AP1M2: variants seen among roughly 807,000 people sequenced by gnomAD.
The protein encoded by AP1M2 is adaptor related protein complex 1 subunit mu 2, also known as AP-1 complex subunit mu-2.
Under a neutral mutation model 54.6 loss-of-function variants are expected in AP1M2, and 41 were observed. The observed-to-expected ratio is 0.75, with a 90% CI of 0.59 to 0.97. The LOEUF (loss-of-function observed/expected upper bound fraction) is 0.97, where lower values mean the gene tolerates loss of function less well. Ranked by LOEUF, AP1M2 falls within the 50% of genes least tolerant of loss-of-function variation. The pLI, the probability that AP1M2 is intolerant of heterozygous loss-of-function variation, is 0.00. For synonymous variants in AP1M2, 219 were observed against 215.9 expected (o/e 1.01, Z -0.13); for missense variants, 507 against 561.2 (o/e 0.90, Z 0.98).
In AP1M2 at chr19:10,583,941, G is replaced by A. The variant is rs201194990; in HGVS notation, c.172C>T (p.Leu58=). The A allele has an allele frequency of 3.7e-6, 6 of 1,601,620 alleles. No individual in the cohort carries two copies. The East Asian group carries it at 1.4e-4, about 36-fold the overall frequency. ...TAGAGGTTGCTGTGTTTGATCCATA[G>A]GAAGTGGACCTGGCCGTGGCTCAGC... ...PLLSHGQVHF[L]WIKHSNLYLV... Residue 58 remains leucine, a synonymous_variant, in exon 2 of 12, where the codon CTA becomes TTA. Coordinates refer to ENST00000250244, the MANE Select transcript of AP1M2 (RefSeq NM_005498.5).
intron 1 of AP1M2, among the ~76,000 whole-genome samples, chr19:10,585,578 T>C (rs1025712635): frequency 2.6e-5 from 4 of 151,714 alleles, no homozygotes; most frequent in Non-Finnish European, 5.9e-5. Context: ...ATGACCGTAA[T>C]CCCAGCTACT....
intron 9 of AP1M2, 50 bp from the exon 10 acceptor site, chr19:10,575,079 G>T: frequency 7.1e-7 from 1 of 1,418,004 alleles, no homozygotes. Flanking sequence ...CTACCCTCCC[G>T]AGACCTTCCT....
chr19:10,583,806 G>T, intron 2 of AP1M2, 108 bp downstream of exon 2: 1 of 1,493,290 alleles, frequency 6.7e-7, no homozygotes, highest in Non-Finnish European at 9.1e-7. Context: ...AAGCCACAGA[G>T]ATGTGCGGTG....
intron 1 of AP1M2, among the ~76,000 whole-genome samples, chr19:10,586,325 T>C (rs1325024327): frequency 7.0e-6 from 1 of 142,226 alleles, no homozygotes; most frequent in Non-Finnish European, 1.5e-5. Context: ...CATGGTGGCA[T>C]GCACCTGTAG....
At position 10,581,541 on chromosome 19, in the gene AP1M2, G is replaced by A. The variant is rs762011394; in HGVS notation, c.492C>T (p.Ile164=). Residue 164 remains isoleucine, a synonymous_variant, in exon 5 of 12, where the codon ATC becomes ATT. Transcript: ENST00000250244. ...TGAAGACCTCGTTCTTCTTATACTT[G>A]ATACCCTCGGAGCGCCAGGACACAG... is the stretch of plus-strand genomic sequence containing the variant. ...TNAVSWRSEG[I]KYKKNEVFID... 2 of 1,613,828 alleles carry A rather than the reference G, an allele frequency of 1.2e-6. No homozygotes were observed. Among genetic ancestry groups the A allele is most frequent in the African/African-American group, 1.3e-5 (1 of 75,036 alleles).
In AP1M2 at chr19:10,572,925, G is replaced by A. The variant is rs1917104293; in HGVS notation, c.*141C>T. ...GGAATAAGGAAGAGGTGAGGAAGGG[G>A]CGGGTGCTGGGAGCAAGAAACTGCC... On this transcript the variant is annotated 3_prime_UTR_variant, in exon 12 of 12. Coordinates refer to ENST00000250244, the MANE Select transcript of AP1M2 (RefSeq NM_005498.5). 4.0e-6 allele frequency: 3 copies of A among 754,788 alleles called. No individual in the cohort carries two copies. In the East Asian group the frequency reaches 8.3e-5, roughly 21 times the overall value. 46.8% of individuals were successfully genotyped at this position (754,788 alleles called of 1,614,324 possible). A position where few individuals can be genotyped will look rare whatever the true frequency, so the allele number is the denominator to read the frequency against.
rs748341245 is a variant in AP1M2 at position 10,574,349 on chromosome 19, G to A, written c.1249+68C>T. The A allele has an allele frequency of 1.9e-5, 25 of 1,294,992 alleles. 2 individuals are homozygous for A. The South Asian group carries it at 2.9e-4, about 15-fold the overall frequency. 80.2% of individuals were successfully genotyped at this position (1,294,992 alleles called of 1,614,324 possible). A position where few individuals can be genotyped will look rare whatever the true frequency, so the allele number is the denominator to read the frequency against. ...TTGGTTTTCTGAGCCAGAATGTGGT[G>A]AAAGCCTCGAGTCCCTACCCACTGC... On this transcript the variant is annotated intron_variant, in intron 11 of 11. Coordinates refer to ENST00000250244, the MANE Select transcript of AP1M2 (RefSeq NM_005498.5).
At chr19:10,575,869 C>A (rs1330075807) in intron 9 of AP1M2, among the ~76,000 whole-genome samples, 2 of 146,620 alleles carry the variant, frequency 1.4e-5, no homozygotes, top group African/African-American at 5.1e-5. Context: ...CAGGTTCACG[C>A]CATTCTCCTG....
Position 10,587,181 on chromosome 19 carries a change from C to T in AP1M2, c.42+9G>A, listed in dbSNP as rs1174160329. On this transcript the variant is annotated intron_variant, in intron 1 of 11. Transcript: ENST00000250244. ...TGTCCGTCTCCCAACTCCTCATGCCCAGCCTCACCTTGCCCTTAACGTCCA... is the reference window on the plus strand; with the variant it reads ...TGTCCGTCTCCCAACTCCTCATGCCTAGCCTCACCTTGCCCTTAACGTCCA... 15 of 1,555,420 alleles carry T rather than the reference C, an allele frequency of 9.6e-6. No homozygotes were observed. Among genetic ancestry groups the T allele is most frequent in the Admixed American group, 1.9e-5 (1 of 51,496 alleles).
intron 6 of AP1M2, among the ~76,000 whole-genome samples, chr19:10,580,769 A>G (rs10409805): frequency 6.6e-6 from 1 of 151,624 alleles, no homozygotes; most frequent in African/African-American, 2.4e-5. Flanking sequence ...TTTAGACCAG[A>G]CTGGGCAACA....
At chr19:10,585,316 A>G (rs1392574297) in intron 1 of AP1M2, among the ~76,000 whole-genome samples, 1 of 142,748 alleles carries the variant, frequency 7.0e-6, no homozygotes, top group African/African-American at 2.5e-5. Context: ...AGAAAGAAAG[A>G]AAGAAAGAAA....
At chr19:10,579,925 T>G (rs1917379739) in intron 6 of AP1M2, 67 bp from the exon 7 acceptor site, 1 of 1,474,388 alleles carries the variant, frequency 6.8e-7, no homozygotes, top group South Asian at 1.3e-5. Flanking sequence ...TCCCCACCTT[T>G]CCTGCCGACC....
rs552911139 is a variant in AP1M2 at position 10,582,172 on chromosome 19, T to C, written c.268-294A>G. Among the ~76,000 whole-genome samples, 56 of 152,054 alleles carry C rather than the reference T, an allele frequency of 3.7e-4. 1 individual carries two copies. Among genetic ancestry groups the C allele is most frequent in the African/African-American group, 1.3e-3 (55 of 41,492 alleles). ...GATTCTCCTGCCTCAGCCTTCTGAG[T>C]AGCTGGGACTACAGGCACGCACTAC... On this transcript the variant is annotated intron_variant, in intron 3 of 11. Coordinates refer to ENST00000250244, the MANE Select transcript of AP1M2 (RefSeq NM_005498.5).
chr19:10,583,458 GA>G, intron 3 of AP1M2, 147 bp downstream of exon 3: 1 of 585,110 alleles, frequency 1.7e-6, no homozygotes, highest in Non-Finnish European at 3.0e-6. Context: ...AATATAGCAA[GA>G]CCCCATCTCT....
intron 5 of AP1M2, 34 bp downstream of exon 5, chr19:10,581,453 G>T: frequency 3.1e-6 from 5 of 1,610,752 alleles, no homozygotes; most frequent in Non-Finnish European, 4.2e-6. Flanking sequence ...CAGCCAGGCC[G>T]TGGAAGGGGT....
chr19:10,577,234 C>G lies in AP1M2; in HGVS notation c.1011G>C (p.Glu337Asp). 6.2e-7 allele frequency: 1 copy of G among 1,610,774 alleles called. No individual in the cohort carries two copies. The highest frequency in any genetic ancestry group is 1.1e-5 in the South Asian group (1 of 90,890). ...TSVGSAKYVP[E>D]RNVVIWSIKS... ...TAATACTCCAAATCACGACGTTTCT[C>G]TCCGGCACATACTTGGCGCTGCCCA... Residue 337 changes from glutamate to aspartate, a missense_variant, in exon 9 of 12, where the codon GAG (glutamate) becomes GAC (aspartate). Transcript: ENST00000250244.
In AP1M2 at chr19:10,583,617, T is replaced by C. The variant is rs527647767; in HGVS notation, c.256A>G (p.Lys86Glu). The change falls in exon 3 of 12, where the codon AAG becomes GAG. Residue 86 changes from lysine (K) to glutamate (E), a missense_variant. Coordinates refer to ENST00000250244, the MANE Select transcript of AP1M2 (RefSeq NM_005498.5). ...AGGCTAGTACCTACCTCTATTGTCT[T>C]ATACAGGAAGGAGTACACCAGGGAG... ...NASLVYSFLY[K>E]TIEVFCEYFK... 6.2e-7 allele frequency: 1 copy of C among 1,611,966 alleles called. No individual in the cohort carries two copies. The highest frequency in any genetic ancestry group is 8.5e-7 in the Non-Finnish European group (1 of 1,178,380).
At chr19:10,583,839 C>T in intron 2 of AP1M2, 75 bp downstream of exon 2, 1 of 1,524,578 alleles carries the variant, frequency 6.6e-7, no homozygotes, top group South Asian at 1.3e-5. Flanking sequence ...TCAGCCCACC[C>T]TCTCTTGGCC....
rs1209681335 is a variant in AP1M2 at position 10,585,308 on chromosome 19, A to G, written c.43-1238T>C. On this transcript the variant is annotated intron_variant, in intron 1 of 11. Coordinates refer to ENST00000250244, the MANE Select transcript of AP1M2 (RefSeq NM_005498.5). ...AAAAGAAAGAAAGAAAGAAAGAAAG[A>G]AAGAAAGAAAGAAAGAAAGAAAGAA... 2.7e-5 allele frequency among the ~76,000 whole-genome samples: 4 copies of G among 147,096 alleles called. 1 individual carries two copies. The East Asian group carries it at 7.8e-4, about 29-fold the overall frequency.
Sources: allele counts gnomAD v4.1 joint callset (sites outside exome capture counted in the v4.1 genomes callset), GRCh38; gene constraint gnomAD v4.1.1; transcripts MANE v1.5; gene names NCBI Gene and HGNC (gene_info 2026-07-23, HGNC 2026-07-21).